PHF3: variants seen among roughly 807,000 people sequenced by gnomAD.
The protein encoded by PHF3 is PHD finger protein 3.
Under a neutral mutation model 178.4 loss-of-function variants are expected in PHF3, and 41 were observed. That is an observed-to-expected ratio of 0.23 (90% CI 0.18 to 0.30). The LOEUF (loss-of-function observed/expected upper bound fraction) is 0.30, where lower values mean the gene tolerates loss of function less well. Among genes scored for constraint, PHF3 ranks in the 10% least tolerant of loss-of-function variants. The pLI is 1.00. For synonymous variants in PHF3, 842 were observed against 800.5 expected (o/e 1.05, Z -0.88); for missense variants, 2,346 against 2,398.1 (o/e 0.98, Z 0.45).
rs573554353 is a variant in PHF3, at chr6:63,720,513, T to G, written c.*6805T>G. On this transcript the variant is annotated 3_prime_UTR_variant, in exon 16 of 16. Coordinates refer to ENST00000262043, the MANE Select transcript of PHF3 (RefSeq NM_001370348.2). ...TCAGGTAATATAGTAAACAGTTGATTCCCCGTAAGCAATGTATCAAAGAAA... is the reference window on the plus strand; with the variant it reads ...TCAGGTAATATAGTAAACAGTTGATGCCCCGTAAGCAATGTATCAAAGAAA... The G allele has an allele frequency of 2.5e-5, 25 of 984,892 alleles. No homozygotes were observed. In the Middle Eastern group the frequency reaches 9.8e-4, roughly 39 times the overall value. The allele number at this position is 984,892 out of a possible 1,614,324, so 61.0% of individuals were successfully genotyped here.
chr6:63,698,615 C>T lies in PHF3; in HGVS notation c.2982+10C>T. On this transcript the variant is annotated intron_variant, in intron 8 of 15. Coordinates refer to ENST00000262043, the MANE Select transcript of PHF3 (RefSeq NM_001370348.2). ...AGATCCTAAAAACAATGTAAGTATG[C>T]TTTGTTCATATGTTTATGCTTCCAA... 1.3e-6 allele frequency: 2 copies of T among 1,544,090 alleles called. No homozygotes were observed. The highest frequency in any genetic ancestry group is 1.7e-6 in the Non-Finnish European group (2 of 1,146,460).
Position 63,720,936 on chromosome 6 carries a change from A to G in PHF3, c.*7228A>G. The G allele has an allele frequency of 6.4e-7, 1 of 1,551,348 alleles. No individual in the cohort carries two copies. The highest frequency in any genetic ancestry group is 2.4e-5 in the East Asian group (1 of 40,878). On this transcript the variant is annotated 3_prime_UTR_variant, in exon 16 of 16. Coordinates refer to ENST00000262043, the MANE Select transcript of PHF3 (RefSeq NM_001370348.2). ...ACAGAATGTGCCATTGTTATAGCTC[A>G]TAGGCACAGAGATTCTTTCTCCCAA... is the stretch of plus-strand genomic sequence containing the variant.
Position 63,685,911 on chromosome 6 carries a change from GGT to G in PHF3, c.2189+9_2189+10del. The G allele has an allele frequency of 1.9e-6, 3 of 1,607,530 alleles. No homozygotes were observed. The highest frequency in any genetic ancestry group is 2.2e-5 in the East Asian group (1 of 44,854). On this transcript the variant is annotated splice_donor_variant, in intron 4 of 15. Transcript: ENST00000262043. LOFTEE classifies it high-confidence loss of function. ...TTTTGCAAAAAACCACATGGCAACA[GGT>G]GTGTGTGTATGTGTGTATGAGTGAT...
chr6:63,678,075 T>A (rs1766254006), intron 2 of PHF3, among the ~76,000 whole-genome samples: 2 of 151,862 alleles, frequency 1.3e-5, no homozygotes, highest in African/African-American at 4.8e-5. Context: ...ATACAAAAAT[T>A]AGCTGGGCAT....
intron 2 of PHF3, among the ~76,000 whole-genome samples, chr6:63,647,543 G>C (rs1472445012): frequency 6.6e-6 from 1 of 151,922 alleles, no homozygotes; most frequent in Admixed American, 6.5e-5. Flanking sequence ...TATGTCACTT[G>C]TTTTGTTTTT....
chr6:63,667,582 C>G (rs1765733960), intron 2 of PHF3, among the ~76,000 whole-genome samples: 1 of 152,216 alleles, frequency 6.6e-6, no homozygotes, highest in South Asian at 2.1e-4. Context: ...CAGGTATCAT[C>G]TAATATCCTG....
chr6:63,706,964 A>C, intron 13 of PHF3, 88 bp downstream of exon 13: 2 of 1,112,456 alleles, frequency 1.8e-6, no homozygotes, highest in Non-Finnish European at 1.3e-6. Flanking sequence ...CAGAGTTAGT[A>C]ATAGAAATAT....
At chr6:63,673,629 A>G (rs1766023228) in intron 2 of PHF3, among the ~76,000 whole-genome samples, 1 of 152,188 alleles carries the variant, frequency 6.6e-6, no homozygotes, top group African/African-American at 2.4e-5. Context: ...GAAACTTGCA[A>G]AACATGTTTT....
At position 63,718,827 on chromosome 6, in the gene PHF3, A is replaced by G. The variant is rs779945338; in HGVS notation, c.*5119A>G. Among the ~76,000 whole-genome samples the G allele has an allele frequency of 6.6e-6, 1 of 152,018 alleles. No individual in the cohort carries two copies. Among genetic ancestry groups the G allele is most frequent in the Non-Finnish European group, 1.5e-5 (1 of 67,936 alleles). ...GTTTCTTCTTTTGTAAGCTTTCATA[A>G]AACAGCCTTCTTTTTATACATAAAG... On this transcript the variant is annotated 3_prime_UTR_variant, in exon 16 of 16. Transcript: ENST00000262043.
chr6:63,654,080 C>CT (rs988239352), intron 2 of PHF3, among the ~76,000 whole-genome samples: 2 of 152,042 alleles, frequency 1.3e-5, no homozygotes, highest in Non-Finnish European at 2.9e-5. Context: ...CTCTAATTTT[C>CT]TTTTTTTGTT....
intron 1 of PHF3, chr6:63,636,599 C>T (rs529132166): frequency 2.0e-5 from 3 of 152,366 alleles, no homozygotes; most frequent in Admixed American, 2.0e-4. Context: ...CAGCATGGAG[C>T]TTTGGGCCTT....
chr6:63,716,329 C>G lies in PHF3; in HGVS notation c.*2621C>G, dbSNP rs981922476. ...GAGAATGAGAAAAAGAAGCAAAAGCCTGATGATCATATATACCTTTCATAG... is the reference window on the plus strand; with the variant it reads ...GAGAATGAGAAAAAGAAGCAAAAGCGTGATGATCATATATACCTTTCATAG... On this transcript the variant is annotated 3_prime_UTR_variant, in exon 16 of 16. Transcript: ENST00000262043. 1.3e-5 allele frequency among the ~76,000 whole-genome samples: 2 copies of G among 152,120 alleles called. No individual in the cohort carries two copies. The highest frequency in any genetic ancestry group is 4.8e-5 in the African/African-American group (2 of 41,444).
At position 63,692,030 on chromosome 6, in the gene PHF3, A is replaced by G; in HGVS notation, c.2483A>G (p.Lys828Arg). 1 of 1,604,490 alleles carries G rather than the reference A, an allele frequency of 6.2e-7. No homozygotes were observed. The highest frequency in any genetic ancestry group is 8.5e-7 in the Non-Finnish European group (1 of 1,174,994). ...YIDDTVKHKV[K>R]ILKRESGEGR... ...GATGATACAGTGAAGCACAAGGTCA[A>G]AATTTTAAAACGGGTGAGCTCTTCA... The change falls in exon 5 of 16, where the codon AAA (lysine) becomes AGA (arginine). Residue 828 changes from lysine to arginine, a missense_variant. By Grantham distance (26) the Lys-to-Arg change is conservative (BLOSUM62 2). This residue lies in a region of PHF3 where 252 missense variants were observed against 232.0 expected (regional missense o/e 1.09). Transcript: ENST00000262043.
chr6:63,658,622 T>C (rs72884652), intron 2 of PHF3, among the ~76,000 whole-genome samples: 1,734 of 152,274 alleles, frequency 0.011, 12 homozygotes, highest in Middle Eastern at 0.02. Flanking sequence ...CATCTGTTAG[T>C]AATATTAATT....
At chr6:63,703,466 A>G (rs1349246383) in intron 10 of PHF3, 70 bp from the exon 11 acceptor site, 1 of 1,460,028 alleles carries the variant, frequency 6.8e-7, no homozygotes, top group Non-Finnish European at 9.3e-7. Context: ...AATGGAAAAT[A>G]TAAATTGATT....
intron 12 of PHF3, 68 bp from the exon 13 acceptor site, chr6:63,706,661 C>A: frequency 6.8e-7 from 1 of 1,467,184 alleles, no homozygotes; most frequent in Non-Finnish European, 9.3e-7. Context: ...ATACGAGTAA[C>A]TGATGACTAG....
Position 63,685,926 on chromosome 6 carries a change from G to GTGTA in PHF3, c.2189+18_2189+21dup, listed in dbSNP as rs780340674. 1.9e-6 allele frequency: 3 copies of GTGTA among 1,562,612 alleles called. No individual in the cohort carries two copies. Among genetic ancestry groups the GTGTA allele is most frequent in the African/African-American group, 1.4e-5 (1 of 73,326 alleles). On this transcript the variant is annotated intron_variant, in intron 4 of 15. Coordinates refer to ENST00000262043, the MANE Select transcript of PHF3 (RefSeq NM_001370348.2). Reference sequence around the variant, plus strand: ...CATGGCAACAGGTGTGTGTGTATGTGTGTATGAGTGATGTGTACATTGAAA... The same window carrying GTGTA: ...CATGGCAACAGGTGTGTGTGTATGTGTGTATGTATGAGTGATGTGTACATTGAAA...
chr6:63,693,464 A>G (rs574881549), intron 5 of PHF3, among the ~76,000 whole-genome samples: 5 of 152,176 alleles, frequency 3.3e-5, no homozygotes, highest in African/African-American at 1.2e-4. Flanking sequence ...AAAATACAAA[A>G]ATTAGCCGAG....
rs1160826630 is a variant in PHF3 at position 63,635,822 on chromosome 6, C to A, written c.-354C>A. 2.5e-6 allele frequency: 1 copy of A among 395,182 alleles called. No homozygotes were observed. The allele number at this position is 395,182 out of a possible 1,614,324, so 24.5% of individuals were successfully genotyped here. On this transcript the variant is annotated 5_prime_UTR_variant, in exon 1 of 16. Transcript: ENST00000262043. ...TAAACAGTGGGGTCACGTGACACGG[C>A]CCCTCTCCAGCTCCCGCGCCGCCGC...
Sources: gnomAD v4.1 joint callset for allele counts (sites outside exome capture counted in the v4.1 genomes callset) on GRCh38, gnomAD v4.1.1 for gene constraint, gnomAD v4.1.1 regional missense constraint, MANE v1.5 for transcripts, NCBI Gene and HGNC (gene_info 2026-07-23, HGNC 2026-07-21) for gene names.